Variants in DNAJC1 observed in about 807,000 individuals in gnomAD.
DNAJC1 encodes the protein DnaJ heat shock protein family (Hsp40) member C1.
Under a neutral mutation model 76.6 loss-of-function variants are expected in DNAJC1, and 58 were observed. The observed-to-expected ratio is 0.76, with a 90% CI of 0.61 to 0.94. The LOEUF (loss-of-function observed/expected upper bound fraction) is 0.94, where lower values mean the gene tolerates loss of function less well. Ranked by LOEUF, DNAJC1 falls within the 40% of genes least tolerant of loss-of-function variation. The pLI, the probability that DNAJC1 is intolerant of heterozygous loss-of-function variation, is 0.00. For missense variants in DNAJC1, 689 were observed against 677.3 expected (o/e 1.02, Z -0.19); for synonymous variants, 258 against 267.9 (o/e 0.96, Z 0.36).
chr10:21,944,602 T>C (rs1457730983), intron 1 of DNAJC1, among the ~76,000 whole-genome samples: 1 of 152,130 alleles, frequency 6.6e-6, no homozygotes, highest in Admixed American at 6.6e-5. Context: ...AAGTCTAGGA[T>C]AATCACAGGG....
chr10:21,809,723 GCA>G (rs1402870325), intron 8 of DNAJC1, among the ~76,000 whole-genome samples: 1 of 151,936 alleles, frequency 6.6e-6, no homozygotes, highest in Non-Finnish European at 1.5e-5. Flanking sequence ...TTAATTTAGT[GCA>G]CAGTTTTCAG....
intron 1 of DNAJC1, among the ~76,000 whole-genome samples, chr10:21,941,095 CAAAAAAAA>C (rs1208799870): frequency 9.4e-4 from 37 of 39,180 alleles, no homozygotes; most frequent in Non-Finnish European, 1.4e-3. Flanking sequence ...ACTAAAAATA[CAAAAAAAA>C]AAAAAAAAAA....
chr10:21,828,387 T>C (rs1835298310), intron 8 of DNAJC1, among the ~76,000 whole-genome samples: 1 of 152,224 alleles, frequency 6.6e-6, no homozygotes, highest in African/African-American at 2.4e-5. Context: ...CCAGATAATG[T>C]TGAATAAAAG....
rs534612007 is a variant in DNAJC1 at position 21,981,849 on chromosome 10, T to C, written c.222+21364A>G. Reference sequence around the variant, plus strand: ...AACCTTTGAACTTCTATCTCCTCCTTTGCATCGTCCAATTTTAGCAAGAAT... The same window carrying C: ...AACCTTTGAACTTCTATCTCCTCCTCTGCATCGTCCAATTTTAGCAAGAAT... On this transcript the variant is annotated intron_variant, in intron 1 of 11. Coordinates refer to ENST00000376980, the MANE Select transcript of DNAJC1 (RefSeq NM_022365.4). 2.6e-5 allele frequency among the ~76,000 whole-genome samples: 4 copies of C among 152,232 alleles called. No individual in the cohort carries two copies. In the South Asian group the frequency reaches 8.3e-4, roughly 32 times the overall value.
intron 1 of DNAJC1, among the ~76,000 whole-genome samples, chr10:21,969,541 T>C (rs1837945243): frequency 6.6e-6 from 1 of 152,218 alleles, no homozygotes; most frequent in Admixed American, 6.5e-5. Flanking sequence ...TAAAGAATGT[T>C]AGCAATTCCT....
At chr10:21,916,396 G>C (rs1341219179) in intron 6 of DNAJC1, among the ~76,000 whole-genome samples, 1 of 152,162 alleles carries the variant, frequency 6.6e-6, no homozygotes, top group Non-Finnish European at 1.5e-5. Flanking sequence ...GGCTGAGGCA[G>C]GAGAATGGCG....
chr10:21,782,867 C>G (rs895386503), intron 9 of DNAJC1, among the ~76,000 whole-genome samples: 1 of 152,204 alleles, frequency 6.6e-6, no homozygotes, highest in African/African-American at 2.4e-5. Context: ...ATGCTAAAAA[C>G]TCTCAATAAA....
At chr10:21,880,840 T>TAAAGC in intron 8 of DNAJC1, among the ~76,000 whole-genome samples, 1 of 152,346 alleles carries the variant, frequency 6.6e-6, no homozygotes, top group East Asian at 1.9e-4. Flanking sequence ...TAAGCCTGTC[T>TAAAGC]TTTGAAGCTT....
At chr10:21,851,604 T>C (rs1050044537) in intron 8 of DNAJC1, among the ~76,000 whole-genome samples, 19 of 152,234 alleles carry the variant, frequency 1.2e-4, no homozygotes, top group African/African-American at 4.6e-4. Flanking sequence ...AAACATAAAA[T>C]TACCATCATC....
intron 8 of DNAJC1, among the ~76,000 whole-genome samples, chr10:21,808,443 G>C (rs890673984): frequency 2.0e-5 from 3 of 152,040 alleles, no homozygotes; most frequent in African/African-American, 7.2e-5. Context: ...CTACTGCTAT[G>C]ACAGTCTTAA....
intron 8 of DNAJC1, among the ~76,000 whole-genome samples, chr10:21,837,752 C>T (rs547399819): frequency 5.3e-5 from 8 of 150,492 alleles, no homozygotes; most frequent in South Asian, 2.1e-4. Context: ...CCCCTCTGCC[C>T]GGCAGCCGCC....
chr10:21,816,508 G>C (rs564017692), intron 8 of DNAJC1, among the ~76,000 whole-genome samples: 70 of 150,808 alleles, frequency 4.6e-4, no homozygotes, highest in African/African-American at 1.6e-3. Context: ...AGGAGCTCGA[G>C]ACCAGCCTGG....
At chr10:21,844,740 A>G (rs557367485) in intron 8 of DNAJC1, among the ~76,000 whole-genome samples, 2 of 152,340 alleles carry the variant, frequency 1.3e-5, no homozygotes, top group South Asian at 4.1e-4. Context: ...TTTTTTTAAA[A>G]AAATAGATTT....
At chr10:21,871,022 G>C (rs1836094624) in intron 8 of DNAJC1, among the ~76,000 whole-genome samples, 1 of 152,010 alleles carries the variant, frequency 6.6e-6, no homozygotes, top group Non-Finnish European at 1.5e-5. Context: ...TACCTCCCTG[G>C]AAGACAGGTT....
At chr10:21,948,507 G>T (rs1381717780) in intron 1 of DNAJC1, among the ~76,000 whole-genome samples, 1 of 152,062 alleles carries the variant, frequency 6.6e-6, no homozygotes. Flanking sequence ...TATAGCACAG[G>T]CTCCCTTGGC....
At chr10:21,776,261 AAAG>A (rs1834453706) in intron 9 of DNAJC1, among the ~76,000 whole-genome samples, 1 of 152,212 alleles carries the variant, frequency 6.6e-6, no homozygotes, top group Non-Finnish European at 1.5e-5. Context: ...TGTTCAACGT[AAAG>A]AAGAATTTTC....
At chr10:21,766,968 T>TAA (rs1275709137) in intron 9 of DNAJC1, among the ~76,000 whole-genome samples, 18 of 69,870 alleles carry the variant, frequency 2.6e-4, no homozygotes, top group African/African-American at 5.3e-4. Flanking sequence ...AGACCCTGCC[T>TAA]AAAAAAAAAA....
At chr10:21,767,952 G>A (rs558375711) in intron 9 of DNAJC1, among the ~76,000 whole-genome samples, 5 of 151,872 alleles carry the variant, frequency 3.3e-5, no homozygotes, top group East Asian at 3.9e-4. Context: ...CTGAGATTAC[G>A]TCACTGCACT....
chr10:21,958,012 T>A (rs947836231), intron 1 of DNAJC1, among the ~76,000 whole-genome samples: 1 of 152,218 alleles, frequency 6.6e-6, no homozygotes, highest in Non-Finnish European at 1.5e-5. Flanking sequence ...ATATTCAGTT[T>A]CATATAAGAT....
Sources: allele counts gnomAD v4.1 joint callset (sites outside exome capture counted in the v4.1 genomes callset), GRCh38; gene constraint gnomAD v4.1.1; transcripts MANE v1.5; gene names NCBI Gene and HGNC (gene_info 2026-07-23, HGNC 2026-07-21).